Variants in KCNIP1 observed in about 807,000 individuals in gnomAD.
The protein encoded by KCNIP1 is A-type potassium channel modulatory protein KCNIP1.
A neutral mutation model predicts 33.0 loss-of-function variants in KCNIP1; 18 were observed. The ratio of observed to expected loss-of-function variants is 0.55; its 90% CI spans 0.38 to 0.81. KCNIP1 has a LOEUF of 0.81. Among genes scored for constraint, KCNIP1 ranks in the 30% least tolerant of loss-of-function variants. The pLI, the probability that KCNIP1 is intolerant of heterozygous loss-of-function variation, is 0.00. For synonymous variants in KCNIP1, 93 were observed against 98.3 expected (o/e 0.95, Z 0.32); for missense variants, 238 against 271.6 (o/e 0.88, Z 0.87).
At chr5:170,537,457 G>A (rs562734974) in intron 1 of KCNIP1, among the ~76,000 whole-genome samples, 110 of 152,304 alleles carry the variant, frequency 7.2e-4, no homozygotes, top group African/African-American at 2.6e-3. Flanking sequence ...TTCTCCACCT[G>A]TCATACAGGC....
At chr5:170,659,709 G>A (rs982636637) in intron 1 of KCNIP1, among the ~76,000 whole-genome samples, 11 of 152,264 alleles carry the variant, frequency 7.2e-5, no homozygotes, top group South Asian at 4.2e-4. Flanking sequence ...AACCAGGCTC[G>A]GAACAAGACT....
At chr5:170,538,456 G>A (rs1756077837) in intron 1 of KCNIP1, among the ~76,000 whole-genome samples, 1 of 152,112 alleles carries the variant, frequency 6.6e-6, no homozygotes, top group Non-Finnish European at 1.5e-5. Flanking sequence ...AGTCTTGCCA[G>A]CTCCTGTTCT....
chr5:170,411,622 G>A (rs1158842323), intron 1 of KCNIP1, among the ~76,000 whole-genome samples: 1 of 133,484 alleles, frequency 7.5e-6, no homozygotes, highest in East Asian at 2.1e-4. Context: ...TTTTTGAGCA[G>A]AATTCAGACA....
chr5:170,620,024 T>C (rs890947173), intron 1 of KCNIP1, among the ~76,000 whole-genome samples: 1 of 152,184 alleles, frequency 6.6e-6, no homozygotes, highest in Non-Finnish European at 1.5e-5. Flanking sequence ...ACTTACTAAC[T>C]TCAAGAGTGT....
chr5:170,468,303 T>A (rs1344628006), intron 1 of KCNIP1, among the ~76,000 whole-genome samples: 15 of 152,220 alleles, frequency 9.9e-5, no homozygotes, highest in Admixed American at 9.8e-4. Flanking sequence ...TAAATGCAGT[T>A]TACAATGTTT....
chr5:170,472,083 T>C (rs569709863), intron 1 of KCNIP1, among the ~76,000 whole-genome samples: 2 of 152,172 alleles, frequency 1.3e-5, no homozygotes, highest in South Asian at 4.2e-4. Flanking sequence ...ACGCTGAGGA[T>C]GGGATGGAAT....
intron 1 of KCNIP1, among the ~76,000 whole-genome samples, chr5:170,387,593 G>A (rs115184716): frequency 0.016 from 2,456 of 152,252 alleles, 55 homozygotes; most frequent in African/African-American, 0.056. Flanking sequence ...AGTTTCTCCT[G>A]CATTCTAATG....
rs1329187043 is a variant in KCNIP1 at position 170,504,899 on chromosome 5, A to G, written c.61+266A>G. Among the ~76,000 whole-genome samples, 2 of 152,194 alleles carry G rather than the reference A, an allele frequency of 1.3e-5. No individual in the cohort carries two copies. The highest frequency in any genetic ancestry group is 2.9e-5 in the Non-Finnish European group (2 of 68,022). On this transcript the variant is annotated intron_variant, in intron 1 of 7. Coordinates refer to ENST00000328939, the MANE Select transcript of KCNIP1 (RefSeq NM_014592.4). This position sits in a 1 kb window ranked among gnomAD's most constrained non-coding sequence, Gnocchi z 6.0. Reference sequence around the variant, plus strand: ...GACTCTCCTCCTGGGGAAATCTCTGAGAGCCGAAGGAAGCGGCATGTTCAC... The same window carrying G: ...GACTCTCCTCCTGGGGAAATCTCTGGGAGCCGAAGGAAGCGGCATGTTCAC...
At chr5:170,543,836 T>C (rs894305192) in intron 1 of KCNIP1, among the ~76,000 whole-genome samples, 1 of 152,244 alleles carries the variant, frequency 6.6e-6, no homozygotes, top group Non-Finnish European at 1.5e-5. Flanking sequence ...ATCCTGAATC[T>C]GTTTAAAGAT....
intron 1 of KCNIP1, chr5:170,383,702 C>T (rs1764346497): frequency 1.2e-6 from 2 of 1,614,066 alleles, no homozygotes; most frequent in Admixed American, 1.7e-5. Context: ...TCCCGAGTGT[C>T]CTCCGTGTGG....
chr5:170,549,272 G>C (rs1756519584), intron 1 of KCNIP1, among the ~76,000 whole-genome samples: 1 of 152,164 alleles, frequency 6.6e-6, no homozygotes, highest in Admixed American at 6.5e-5. Context: ...TCCAGTCCTA[G>C]GCCATGATAA....
chr5:170,627,587 G>A (rs537866132), intron 1 of KCNIP1, among the ~76,000 whole-genome samples: 9 of 152,364 alleles, frequency 5.9e-5, no homozygotes, highest in African/African-American at 1.7e-4. Context: ...CCACAGATGC[G>A]GAGTGCCTGA....
chr5:170,704,204 T>TGTTGGGGAATCGTCTGGAAAGG (rs1554113074), intron 1 of KCNIP1, among the ~76,000 whole-genome samples: 5 of 96,660 alleles, frequency 5.2e-5, no homozygotes, highest in African/African-American at 2.0e-4. Flanking sequence ...ATGACAGGGA[T>TGTTGGGGAATCGTCTGGAAAGG]TAGTCTCTGT....
chr5:170,385,351 T>G, intron 1 of KCNIP1: 2 of 1,613,954 alleles, frequency 1.2e-6, no homozygotes, highest in Non-Finnish European at 1.7e-6. Flanking sequence ...GTGACCAGGA[T>G]GTAGTAGGTG....
chr5:170,415,185 G>A (rs911415924), intron 1 of KCNIP1, among the ~76,000 whole-genome samples: 3 of 152,164 alleles, frequency 2.0e-5, no homozygotes, highest in Non-Finnish European at 4.4e-5. Flanking sequence ...TTCTGAGTGA[G>A]GGGATGGGGC....
chr5:170,408,536 A>C (rs1366167230), intron 1 of KCNIP1, among the ~76,000 whole-genome samples: 1 of 152,210 alleles, frequency 6.6e-6, no homozygotes, highest in African/African-American at 2.4e-5. Context: ...TCGCAGAAGC[A>C]CACTTGTCCC....
intron 7 of KCNIP1, among the ~76,000 whole-genome samples, chr5:170,734,250 G>T (rs1405490167): frequency 3.1e-5 from 2 of 65,038 alleles, no homozygotes; most frequent in Non-Finnish European, 3.3e-5. Context: ...GAAGCAGCTG[G>T]GGGGAAAAAA....
intron 1 of KCNIP1, among the ~76,000 whole-genome samples, chr5:170,469,117 C>G (rs1278625312): frequency 6.6e-6 from 1 of 152,036 alleles, no homozygotes; most frequent in South Asian, 2.1e-4. Context: ...TAACTTGAGC[C>G]GGGTGTGGTG....
At chr5:170,579,879 G>T (rs138384410) in intron 1 of KCNIP1, among the ~76,000 whole-genome samples, 13 of 151,752 alleles carry the variant, frequency 8.6e-5, no homozygotes, top group Non-Finnish European at 1.0e-4. Flanking sequence ...TTGCCTGAGT[G>T]GGGGGTGGCA....
Sources: gnomAD v4.1 joint callset for allele counts (sites outside exome capture counted in the v4.1 genomes callset) on GRCh38, gnomAD v4.1.1 for gene constraint, Gnocchi (gnomAD v3.1) non-coding constraint, MANE v1.5 for transcripts, NCBI Gene and HGNC (gene_info 2026-07-23, HGNC 2026-07-21) for gene names.